The following ATR variants were observed in gnomAD, a reference collection of about 807,000 sequenced individuals.
The protein encoded by ATR is serine/threonine-protein kinase ATR.
A neutral mutation model predicts 305.3 loss-of-function variants in ATR; 142 were observed. The observed-to-expected ratio is 0.47, with a 90% CI of 0.41 to 0.53. The LOEUF (loss-of-function observed/expected upper bound fraction) is 0.53, where lower values mean the gene tolerates loss of function less well. Ranked by LOEUF, ATR falls within the 20% of genes least tolerant of loss-of-function variation. The pLI is 0.00. For missense variants in ATR, 2,135 were observed against 3,133.1 expected (o/e 0.68, Z 7.60); for synonymous variants, 1,050 against 1,068.1 (o/e 0.98, Z 0.33).
chr3:142,498,360 C>T (rs189178703), intron 32 of ATR, among the ~76,000 whole-genome samples: 1 of 152,108 alleles, frequency 6.6e-6, no homozygotes, highest in Non-Finnish European at 1.5e-5. Context: ...TACAAGAGGA[C>T]AAACATAAGA....
In ATR at chr3:142,468,030, G is replaced by A. The variant is rs773218180; in HGVS notation, c.6591C>T (p.Ile2197=). ...YPMRVNRCKE[I]LNKAIHMKKS... is the part of the protein sequence containing the mutation. Reference sequence around the variant, plus strand: ...TTTTCATATGAATAGCTTTATTGAGGATTTCCTTGCATCTGTTCACACGCA... The same window carrying A: ...TTTTCATATGAATAGCTTTATTGAGAATTTCCTTGCATCTGTTCACACGCA... The change falls in exon 39 of 47, where the codon ATC becomes ATT. Residue 2197 remains isoleucine, a synonymous_variant. Coordinates refer to ENST00000350721, the MANE Select transcript of ATR (RefSeq NM_001184.4). 1 of 1,612,772 alleles carries A rather than the reference G, an allele frequency of 6.2e-7. No homozygotes were observed. Among genetic ancestry groups the A allele is most frequent in the Non-Finnish European group, 8.5e-7 (1 of 1,179,406 alleles).
chr3:142,464,025 A>G (rs1385908259), intron 41 of ATR, among the ~76,000 whole-genome samples: 1 of 152,244 alleles, frequency 6.6e-6, no homozygotes, highest in African/African-American at 2.4e-5. Flanking sequence ...AAAACCATAC[A>G]TTTATAATAA....
chr3:142,542,781 T>C (rs755503557), intron 16 of ATR, 24 bp from the exon 17 acceptor site: 14 of 1,541,376 alleles, frequency 9.1e-6, no homozygotes, highest in Non-Finnish European at 1.3e-5. Context: ...ACAGATAATA[T>C]GTAAGCTTTA....
At chr3:142,481,769 C>T (rs1463396342) in intron 36 of ATR, among the ~76,000 whole-genome samples, 1 of 151,986 alleles carries the variant, frequency 6.6e-6, no homozygotes, top group East Asian at 1.9e-4. Context: ...GGATTACAGG[C>T]ATTAATCACC....
chr3:142,549,747 A>G, intron 14 of ATR, 74 bp from the exon 15 acceptor site: 1 of 1,404,956 alleles, frequency 7.1e-7, no homozygotes, highest in Non-Finnish European at 9.9e-7. Flanking sequence ...AGCTATGTGC[A>G]AAAATATTTT....
chr3:142,488,328 CT>C (rs2031078295), intron 35 of ATR, among the ~76,000 whole-genome samples: 1 of 152,166 alleles, frequency 6.6e-6, no homozygotes, highest in Non-Finnish European at 1.5e-5. Flanking sequence ...CCATGGGGTA[CT>C]TTCACCATCC....
At chr3:142,459,962 T>A (rs1042750525) in intron 42 of ATR, among the ~76,000 whole-genome samples, 1 of 152,074 alleles carries the variant, frequency 6.6e-6, no homozygotes, top group African/African-American at 2.4e-5. Context: ...TCAATATATA[T>A]GTATATATAC....
At chr3:142,568,737 G>A (rs1005426385) in intron 1 of ATR, among the ~76,000 whole-genome samples, 12 of 152,338 alleles carry the variant, frequency 7.9e-5, no homozygotes, top group Admixed American at 3.9e-4. Context: ...CCCGCTGCCT[G>A]GCCTCTCCCC....
At position 142,505,262 on chromosome 3, in the gene ATR, T is replaced by C; in HGVS notation, c.5073A>G (p.Gly1691=). 1 of 1,614,032 alleles carries C rather than the reference T, an allele frequency of 6.2e-7. No individual in the cohort carries two copies. Among genetic ancestry groups the C allele is most frequent in the Non-Finnish European group, 8.5e-7 (1 of 1,179,988 alleles). The change falls in exon 29 of 47, where the codon GGA becomes GGG. Residue 1691 remains glycine, a synonymous_variant. Coordinates refer to ENST00000350721, the MANE Select transcript of ATR (RefSeq NM_001184.4). ...GTTCTGCCTTTCTAATTGCACTGAC[T>C]CCGGCCACTCCATCAGGTTCATGCA... ...AAMHEPDGVA[G]VSAIRKAEPS...
chr3:142,476,345 T>C (rs544029747), intron 36 of ATR, among the ~76,000 whole-genome samples: 2 of 152,362 alleles, frequency 1.3e-5, no homozygotes, highest in East Asian at 1.9e-4. Flanking sequence ...ATTTGTTAAA[T>C]AGGGAATCCT....
intron 36 of ATR, among the ~76,000 whole-genome samples, chr3:142,478,265 G>A (rs1164072087): frequency 6.6e-6 from 1 of 152,040 alleles, no homozygotes; most frequent in Admixed American, 6.6e-5. Flanking sequence ...CTTTAAATGT[G>A]TCCCAGAGAT....
chr3:142,526,770 T>C (rs924057210), intron 21 of ATR, among the ~76,000 whole-genome samples: 1 of 151,500 alleles, frequency 6.6e-6, no homozygotes, highest in African/African-American at 2.4e-5. Context: ...CAACTGGTCA[T>C]GGGGTATTGT....
chr3:142,566,465 T>G (rs1235051133), intron 2 of ATR, among the ~76,000 whole-genome samples: 1 of 151,502 alleles, frequency 6.6e-6, no homozygotes, highest in African/African-American at 2.4e-5. Context: ...CAAAAAAAAT[T>G]TTTCTTAAAA....
chr3:142,475,366 C>T (rs554289225), intron 36 of ATR, among the ~76,000 whole-genome samples: 26 of 151,494 alleles, frequency 1.7e-4, no homozygotes, highest in East Asian at 3.9e-4. Flanking sequence ...TTTTGTCCTT[C>T]GATAGTTTGC....
At chr3:142,559,148 G>C in intron 7 of ATR, 103 bp downstream of exon 7, 1 of 1,263,142 alleles carries the variant, frequency 7.9e-7, no homozygotes, top group South Asian at 1.4e-5. Flanking sequence ...AAAAACTTCT[G>C]AGTATTCCAA....
chr3:142,515,243 T>G, intron 25 of ATR, 152 bp downstream of exon 25: 1 of 1,005,280 alleles, frequency 9.9e-7, no homozygotes, highest in Non-Finnish European at 1.4e-6. Context: ...AGAGAAATTA[T>G]TATTCTCTAT....
At chr3:142,474,542 T>C (rs1461532873) in intron 36 of ATR, among the ~76,000 whole-genome samples, 2 of 152,226 alleles carry the variant, frequency 1.3e-5, no homozygotes, top group Non-Finnish European at 2.9e-5. Flanking sequence ...CTGTTATTAG[T>C]GTATAGAAAT....
chr3:142,558,038 A>G (rs919299351), intron 8 of ATR, among the ~76,000 whole-genome samples: 3 of 152,214 alleles, frequency 2.0e-5, no homozygotes, highest in African/African-American at 7.2e-5. Context: ...TTAAATGAAG[A>G]TAATGATATG....
At position 142,450,458 on chromosome 3, in the gene ATR, T is replaced by C; in HGVS notation, c.7762-856A>G. The C allele has an allele frequency of 1.9e-6, 3 of 1,600,844 alleles. No homozygotes were observed. In the South Asian group the frequency reaches 3.3e-5, roughly 18 times the overall value. On this transcript the variant is annotated intron_variant, in intron 46 of 46. Coordinates refer to ENST00000350721, the MANE Select transcript of ATR (RefSeq NM_001184.4). ...TTGAGACTACATCACCACAGAGCTA[T>C]TACTCACTTAATGAGGTCCACTAAA...
Sources: gnomAD v4.1 joint callset for allele counts (sites outside exome capture counted in the v4.1 genomes callset) on GRCh38, gnomAD v4.1.1 for gene constraint, MANE v1.5 for transcripts, NCBI Gene and HGNC (gene_info 2026-07-23, HGNC 2026-07-21) for gene names.